The following PADI1 variants were observed in gnomAD, a reference collection of about 807,000 sequenced individuals.
PADI1 encodes the protein peptidyl arginine deiminase 1.
PADI1 carries 65 observed loss-of-function variants against 74.8 expected under a neutral mutation model. The ratio of observed to expected loss-of-function variants is 0.87; its 90% CI spans 0.71 to 1.07. The LOEUF is 1.07. Among genes scored for constraint, PADI1 ranks in the 50% least tolerant of loss-of-function variants. PADI1 has a pLI of 0.00. For synonymous variants in PADI1, 371 were observed against 336.2 expected, an observed-to-expected ratio of 1.10 and a Z score of -1.13; for missense variants, 943 against 854.0, an observed-to-expected ratio of 1.10 and a Z score of -1.30.
At chr1:17,243,107 C>T (rs1202382842) in intron 15 of PADI1, among the ~76,000 whole-genome samples, 3 of 152,188 alleles carry the variant, frequency 2.0e-5, no homozygotes, top group Non-Finnish European at 4.4e-5. Flanking sequence ...AGCCCAGAGC[C>T]GCCCTCTAGA....
chr1:17,216,099 T>C (rs1349799239), intron 1 of PADI1, among the ~76,000 whole-genome samples: 1 of 152,030 alleles, frequency 6.6e-6, no homozygotes, highest in Non-Finnish European at 1.5e-5. Flanking sequence ...CCTGGCATGC[T>C]TGAAGAACGG....
At chr1:17,243,919 C>G (rs982555725) in intron 15 of PADI1, 91 bp from the exon 16 acceptor site, 2 of 893,684 alleles carry the variant, frequency 2.2e-6, no homozygotes, top group Non-Finnish European at 1.8e-6. Context: ...AACCCATTCC[C>G]CAGGGCCTGT....
chr1:17,214,832 C>T (rs751904769), intron 1 of PADI1, among the ~76,000 whole-genome samples: 21 of 152,198 alleles, frequency 1.4e-4, no homozygotes, highest in Admixed American at 7.8e-4. Context: ...CTCCCAGCCC[C>T]GGGGCAAGGG....
At chr1:17,212,116 C>A (rs896048482) in intron 1 of PADI1, among the ~76,000 whole-genome samples, 2 of 152,214 alleles carry the variant, frequency 1.3e-5, no homozygotes, top group Non-Finnish European at 2.9e-5. Context: ...GCCAGTACCC[C>A]GGGACTATCA....
At chr1:17,228,897 G>A (rs2100478638) in intron 7 of PADI1, 51 bp from the exon 8 acceptor site, 2 of 1,576,014 alleles carry the variant, frequency 1.3e-6, no homozygotes, top group Non-Finnish European at 8.7e-7. Flanking sequence ...GGGGGCTTGA[G>A]GCAGGCTAGG....
chr1:17,232,642 G>A (rs565901077), intron 10 of PADI1, among the ~76,000 whole-genome samples, 177 bp from the exon 11 acceptor site: 8 of 152,166 alleles, frequency 5.3e-5, no homozygotes, highest in Middle Eastern at 3.4e-3. Flanking sequence ...GTCTTTAATC[G>A]CATGGTTCGC....
At chr1:17,226,179 T>G in intron 6 of PADI1, 21 bp downstream of exon 6, 1 of 1,610,792 alleles carries the variant, frequency 6.2e-7, no homozygotes, top group South Asian at 1.1e-5. Context: ...TGATGGGGCC[T>G]TTTCCTCCCA....
intron 1 of PADI1, among the ~76,000 whole-genome samples, chr1:17,220,884 C>G (rs12044142): frequency 0.42 from 64,090 of 152,008 alleles, 13,952 homozygotes; most frequent in African/African-American, 0.52. Flanking sequence ...TTTTGCTCTG[C>G]GTGCCCTGTA....
At chr1:17,214,894 C>T (rs371656706) in intron 1 of PADI1, among the ~76,000 whole-genome samples, 12 of 152,338 alleles carry the variant, frequency 7.9e-5, no homozygotes, top group East Asian at 5.8e-4. Flanking sequence ...AGGGCTCACC[C>T]GGCATAACCT....
At chr1:17,239,397 A>T (rs145227238) in intron 13 of PADI1, among the ~76,000 whole-genome samples, 2 of 152,314 alleles carry the variant, frequency 1.3e-5, no homozygotes, top group African/African-American at 4.8e-5. Context: ...GTTGCTTTAA[A>T]TATTAATAAT....
chr1:17,229,893 C>T (rs563982697), intron 8 of PADI1, among the ~76,000 whole-genome samples, 192 bp from the exon 9 acceptor site: 28 of 152,330 alleles, frequency 1.8e-4, no homozygotes, highest in African/African-American at 6.5e-4. Flanking sequence ...TATGCCTCAC[C>T]TTGCACCTGT....
At chr1:17,206,677 CT>C (rs144936945) in intron 1 of PADI1, among the ~76,000 whole-genome samples, 3 of 120,224 alleles carry the variant, frequency 2.5e-5, no homozygotes, top group African/African-American at 7.0e-5. Flanking sequence ...TCTTTTTTTT[CT>C]TTTTCTTTTT....
chr1:17,225,744 A>G lies in PADI1; in HGVS notation c.409-67A>G, dbSNP rs2072288898. On this transcript the variant is annotated intron_variant, in intron 4 of 15. Coordinates refer to ENST00000375471, the MANE Select transcript of PADI1 (RefSeq NM_013358.3). ...TCTAATAAAGCAGCCCGCCCTGGCC[A>G]TGTCTAGAACCCCTTCCTGGAGCCT... 3 of 1,070,834 alleles carry G rather than the reference A, an allele frequency of 2.8e-6. No homozygotes were observed. The South Asian group carries it at 3.9e-5, about 14-fold the overall frequency. 66.3% of individuals were successfully genotyped at this position (1,070,834 alleles called of 1,614,324 possible).
chr1:17,212,412 C>T (rs1005704480), intron 1 of PADI1, among the ~76,000 whole-genome samples: 19 of 150,874 alleles, frequency 1.3e-4, no homozygotes, highest in South Asian at 1.1e-3. Context: ...CCCCAGACGA[C>T]CCCCAAGAGC....
chr1:17,243,379 A>G (rs1389438441), intron 15 of PADI1, among the ~76,000 whole-genome samples: 1 of 152,192 alleles, frequency 6.6e-6, no homozygotes, highest in Non-Finnish European at 1.5e-5. Context: ...AAAAGCATGG[A>G]TTTTGGCACC....
intron 13 of PADI1, 146 bp downstream of exon 13, chr1:17,238,855 G>C: frequency 2.3e-6 from 1 of 438,506 alleles, no homozygotes; most frequent in East Asian, 3.5e-5. Flanking sequence ...GTCCTCTGAT[G>C]GGTGGGGGAG....
Position 17,226,029 on chromosome 1 carries a change from C to G in PADI1, c.527-4C>G. ...GGCGATCTCAAGAGGGCCACTCTCT[C>G]CAGACCTGCAGGACATGTCCCCAAT... On this transcript the variant is annotated splice_region_variant and splice_polypyrimidine_tract_variant and intron_variant, in intron 5 of 15. Coordinates refer to ENST00000375471, the MANE Select transcript of PADI1 (RefSeq NM_013358.3). 1 of 1,614,170 alleles carries G rather than the reference C, an allele frequency of 6.2e-7. No individual in the cohort carries two copies. Among genetic ancestry groups the G allele is most frequent in the Non-Finnish European group, 8.5e-7 (1 of 1,180,012 alleles).
At position 17,230,563 on chromosome 1, in the gene PADI1, C is replaced by T. The variant is rs1282642219; in HGVS notation, c.1054-9C>T. 3.8e-6 allele frequency: 6 copies of T among 1,588,320 alleles called. No individual in the cohort carries two copies. The highest frequency in any genetic ancestry group is 5.2e-6 in the Non-Finnish European group (6 of 1,163,684). On this transcript the variant is annotated splice_polypyrimidine_tract_variant and intron_variant, in intron 9 of 15. Coordinates refer to ENST00000375471, the MANE Select transcript of PADI1 (RefSeq NM_013358.3). The stretch of plus-strand genomic sequence containing the variant: ...GGTCACTGTGGCTTTTTCATCTCTC[C>T]CCTCCCAGGACGAGATGGAGTTTGG...
intron 3 of PADI1, 84 bp from the exon 4 acceptor site, chr1:17,224,283 G>T: frequency 8.4e-7 from 1 of 1,190,638 alleles, no homozygotes; most frequent in Non-Finnish European, 1.2e-6. Flanking sequence ...TTGGGGAGGG[G>T]TCAGAGTTTG....
Sources: allele counts gnomAD v4.1 joint callset (sites outside exome capture counted in the v4.1 genomes callset), GRCh38; gene constraint gnomAD v4.1.1; transcripts MANE v1.5; gene names NCBI Gene and HGNC (gene_info 2026-07-23, HGNC 2026-07-21).